ADGRB3: variants seen among roughly 807,000 people sequenced by gnomAD.
ADGRB3 encodes brain-specific angiogenesis inhibitor 3.
In ADGRB3, 37 loss-of-function variants were observed where a neutral mutation model predicts 193.4. The ratio of observed to expected loss-of-function variants is 0.19; its 90% CI spans 0.15 to 0.25. The LOEUF is 0.25. Among genes scored for constraint, ADGRB3 ranks in the 10% least tolerant of loss-of-function variants. ADGRB3 has a pLI of 1.00. For synonymous variants in ADGRB3, 690 were observed against 644.2 expected (o/e 1.07, Z -1.08); for missense variants, 1,637 against 1,852.9 (o/e 0.88, Z 2.14).
intron 3 of ADGRB3, among the ~76,000 whole-genome samples, chr6:68,875,988 A>C (rs1448132812): frequency 1.3e-5 from 2 of 152,098 alleles, no homozygotes; most frequent in Non-Finnish European, 2.9e-5. Context: ...AACTAGAATG[A>C]ATCTTAGTGG....
chr6:68,834,441 ATG>A (rs749891291), intron 3 of ADGRB3, among the ~76,000 whole-genome samples: 2 of 152,198 alleles, frequency 1.3e-5, no homozygotes, highest in African/African-American at 2.4e-5. Flanking sequence ...TTAGAATTTC[ATG>A]TGTGTTTATA....
intron 3 of ADGRB3, among the ~76,000 whole-genome samples, chr6:68,767,658 C>G (rs1036610240): frequency 2.0e-5 from 3 of 152,140 alleles, no homozygotes; most frequent in African/African-American, 7.2e-5. Context: ...TCTCACCACT[C>G]CTGTTCAACA....
chr6:69,361,094 A>T lies in ADGRB3; in HGVS notation c.3821A>T (p.Asn1274Ile). The change falls in exon 29 of 32, where the codon AAT (asparagine) becomes ATT (isoleucine). Residue 1274 changes from asparagine to isoleucine, a missense_variant. By Grantham distance (149) the Asn-to-Ile change is moderately radical. This residue lies in a region of ADGRB3 where 368 missense variants were observed against 367.4 expected (regional missense o/e 1.00). Coordinates refer to ENST00000370598, the MANE Select transcript of ADGRB3 (RefSeq NM_001704.3). ...AGCAATCCATGTTTGAAAAAAGAAA[A>T]TAGTGAATTGCGGAGAACTGTGTAC... ...ELSNPCLKKE[N>I]SELRRTVYLC... 1 of 1,612,858 alleles carries T rather than the reference A, an allele frequency of 6.2e-7. No homozygotes were observed. Among genetic ancestry groups the T allele is most frequent in the Non-Finnish European group, 8.5e-7 (1 of 1,179,226 alleles).
chr6:68,860,304 G>A (rs1348910488), intron 3 of ADGRB3, among the ~76,000 whole-genome samples: 1 of 152,156 alleles, frequency 6.6e-6, no homozygotes, highest in Non-Finnish European at 1.5e-5. Flanking sequence ...TTGTCCAATA[G>A]TGACATCTGG....
intron 16 of ADGRB3, among the ~76,000 whole-genome samples, chr6:69,072,359 G>A (rs1418777867): frequency 6.6e-6 from 1 of 152,156 alleles, no homozygotes; most frequent in Non-Finnish European, 1.5e-5. Context: ...CAGGATCTAA[G>A]AAGTAAGGGG....
chr6:68,977,837 G>A (rs1768793005), intron 10 of ADGRB3, among the ~76,000 whole-genome samples: 2 of 144,112 alleles, frequency 1.4e-5, no homozygotes, highest in Admixed American at 1.4e-4. Context: ...CTGAATATCT[G>A]TCGGGGAGCA....
intron 17 of ADGRB3, among the ~76,000 whole-genome samples, chr6:69,156,104 A>G (rs1463545180): frequency 1.3e-5 from 2 of 152,216 alleles, no homozygotes; most frequent in Non-Finnish European, 2.9e-5. Flanking sequence ...CCAAAATATT[A>G]TAATTGTCTT....
At chr6:68,915,317 G>C (rs1766847677) in intron 3 of ADGRB3, among the ~76,000 whole-genome samples, 1 of 152,092 alleles carries the variant, frequency 6.6e-6, no homozygotes. Flanking sequence ...TAAATAAAGT[G>C]CCTATTTCAT....
intron 3 of ADGRB3, among the ~76,000 whole-genome samples, chr6:68,675,540 A>C (rs1160964152): frequency 6.6e-6 from 1 of 152,206 alleles, no homozygotes; most frequent in Non-Finnish European, 1.5e-5. Context: ...GAAGAGTCTA[A>C]AGCATGCATA....
At position 69,361,136 on chromosome 6, in the gene ADGRB3, A is replaced by C; in HGVS notation, c.3863A>C (p.Asn1288Thr). Reference sequence around the variant, plus strand: ...ACTGTGTACTTATGTACGGATGATAATTTGAGAGGGGCTGACATGGACATA... The same window carrying C: ...ACTGTGTACTTATGTACGGATGATACTTTGAGAGGGGCTGACATGGACATA... Reference protein sequence around the residue: ...RRTVYLCTDDNLRGADMDIVH... With the variant: ...RRTVYLCTDDTLRGADMDIVH... The change falls in exon 29 of 32, where the codon AAT becomes ACT. Residue 1288 changes from asparagine (N) to threonine (T), a missense_variant. Asn to Thr is a moderately conservative substitution (Grantham distance 65). This residue lies in a region of ADGRB3 where 368 missense variants were observed against 367.4 expected (regional missense o/e 1.00). Coordinates refer to ENST00000370598, the MANE Select transcript of ADGRB3 (RefSeq NM_001704.3). 2 of 1,612,972 alleles carry C rather than the reference A, an allele frequency of 1.2e-6. No homozygotes were observed. Among genetic ancestry groups the C allele is most frequent in the African/African-American group, 2.7e-5 (2 of 74,970 alleles).
chr6:68,951,467 C>G lies in ADGRB3; in HGVS notation c.1196-4557C>G, dbSNP rs922130643. Among the ~76,000 whole-genome samples, 9 of 152,246 alleles carry G rather than the reference C, an allele frequency of 5.9e-5. No homozygotes were observed. In the East Asian group the frequency reaches 9.7e-4, roughly 16 times the overall value. ...CATTTACTCGTTTATCATCTGCCCC[C>G]ACTACAGCCCCCAGACTACATGTTC... On this transcript the variant is annotated intron_variant, in intron 6 of 31. Coordinates refer to ENST00000370598, the MANE Select transcript of ADGRB3 (RefSeq NM_001704.3).
chr6:68,871,461 G>A (rs1054092075), intron 3 of ADGRB3, among the ~76,000 whole-genome samples: 4 of 151,832 alleles, frequency 2.6e-5, no homozygotes, highest in Admixed American at 2.0e-4. Flanking sequence ...CCCTTTTTCT[G>A]ATTGTTCATA....
rs1356119729 is a variant in ADGRB3 at position 68,884,589 on chromosome 6, G to A, written c.758-45970G>A. 2.0e-5 allele frequency among the ~76,000 whole-genome samples: 3 copies of A among 152,112 alleles called. No individual in the cohort carries two copies. The East Asian group carries it at 5.8e-4, about 29-fold the overall frequency. The stretch of plus-strand genomic sequence containing the variant: ...GAGTTTAGGACATGGTCTGAGATGA[G>A]GTTGGAGACAGTGGGCAGAAACTAC... On this transcript the variant is annotated intron_variant, in intron 3 of 31. Coordinates refer to ENST00000370598, the MANE Select transcript of ADGRB3 (RefSeq NM_001704.3).
At chr6:69,138,127 C>A (rs1774209304) in intron 17 of ADGRB3, among the ~76,000 whole-genome samples, 1 of 152,178 alleles carries the variant, frequency 6.6e-6, no homozygotes, top group Admixed American at 6.5e-5. Context: ...TCACACAAAA[C>A]TATTCTTAAC....
chr6:69,156,907 G>A (rs1774856700), intron 17 of ADGRB3, among the ~76,000 whole-genome samples: 1 of 152,186 alleles, frequency 6.6e-6, no homozygotes, highest in East Asian at 1.9e-4. Flanking sequence ...ACTTGATCAA[G>A]CTGATTCGTA....
intron 8 of ADGRB3, among the ~76,000 whole-genome samples, chr6:68,968,943 TC>T (rs2150262342): frequency 1.3e-5 from 2 of 152,300 alleles, no homozygotes; most frequent in East Asian, 3.9e-4. Context: ...AGCCACATTT[TC>T]CTAGCACCTA....
chr6:68,719,110 T>C (rs1455051489), intron 3 of ADGRB3, among the ~76,000 whole-genome samples: 1 of 151,760 alleles, frequency 6.6e-6, no homozygotes, highest in Non-Finnish European at 1.5e-5. Flanking sequence ...GGTGAAAGGA[T>C]GAAGAATGAG....
intron 3 of ADGRB3, among the ~76,000 whole-genome samples, chr6:68,865,570 A>T (rs1765273656): frequency 3.9e-5 from 6 of 152,142 alleles, no homozygotes; most frequent in Admixed American, 3.9e-4. Flanking sequence ...AGCCATCTTC[A>T]GCCCTCATCA....
intron 3 of ADGRB3, among the ~76,000 whole-genome samples, chr6:68,929,085 G>A (rs1262278210): frequency 1.3e-5 from 2 of 152,140 alleles, no homozygotes; most frequent in Non-Finnish European, 2.9e-5. Flanking sequence ...TGAATGGAAT[G>A]AAAGGATGTT....
Sources: gnomAD v4.1 joint callset for allele counts (sites outside exome capture counted in the v4.1 genomes callset) on GRCh38, gnomAD v4.1.1 for gene constraint, gnomAD v4.1.1 regional missense constraint, MANE v1.5 for transcripts, NCBI Gene and HGNC (gene_info 2026-07-23, HGNC 2026-07-21) for gene names.